MLLT3: variants seen among roughly 807,000 people sequenced by gnomAD.
The protein encoded by MLLT3 is MLLT3 super elongation complex subunit, also known as protein AF-9.
Under a neutral mutation model 53.2 loss-of-function variants are expected in MLLT3, and 4 were observed. The observed-to-expected ratio is 0.08, with a 90% CI of 0.04 to 0.17. The LOEUF (loss-of-function observed/expected upper bound fraction) is 0.17. Ranked by LOEUF, MLLT3 falls within the 10% of genes least tolerant of loss-of-function variation. The pLI is 1.00. For missense variants in MLLT3, 569 were observed against 684.0 expected (o/e 0.83, Z 1.87); for synonymous variants, 283 against 230.6 (o/e 1.23, Z -2.06).
At chr9:20,351,137 T>C (rs1190471654) in intron 10 of MLLT3, among the ~76,000 whole-genome samples, 1 of 152,208 alleles carries the variant, frequency 6.6e-6, no homozygotes, top group Non-Finnish European at 1.5e-5. Flanking sequence ...TTTCCCAGGA[T>C]GGAGAACATC....
chr9:20,564,544 A>T (rs1819299225), intron 2 of MLLT3, among the ~76,000 whole-genome samples: 1 of 152,192 alleles, frequency 6.6e-6, no homozygotes, highest in African/African-American at 2.4e-5. Flanking sequence ...CAAAGTACAT[A>T]AGCTTCCCAA....
At chr9:20,604,122 A>T (rs950615613) in intron 2 of MLLT3, among the ~76,000 whole-genome samples, 31 of 152,062 alleles carry the variant, frequency 2.0e-4, no homozygotes, top group African/African-American at 7.5e-4. Context: ...ACTTAACAAT[A>T]AAGTATTTCC....
intron 2 of MLLT3, among the ~76,000 whole-genome samples, chr9:20,589,494 T>G (rs1820069831): frequency 6.9e-6 from 1 of 144,758 alleles, no homozygotes; most frequent in African/African-American, 2.6e-5. Flanking sequence ...AGATGACGAG[T>G]TAGTGGGTGC....
At chr9:20,346,995 T>TAC (rs148280802) in intron 10 of MLLT3, among the ~76,000 whole-genome samples, 2 of 142,596 alleles carry the variant, frequency 1.4e-5, no homozygotes, top group African/African-American at 5.2e-5. Context: ...TACAAACACA[T>TAC]ACACACACAC....
Position 20,361,447 on chromosome 9 carries a change from C to G in MLLT3, c.1332-606G>C, listed in dbSNP as rs148292861. ...CACCGCTGACAGCACAGAGTGACAT[C>G]TAAGGATTGAACATGTGGAGCCCGG... On this transcript the variant is annotated intron_variant, in intron 7 of 10. Coordinates refer to ENST00000380338, the MANE Select transcript of MLLT3 (RefSeq NM_004529.4). Among the ~76,000 whole-genome samples the G allele has an allele frequency of 4.2e-3, 641 of 152,296 alleles. 7 individuals are homozygous for G. Among genetic ancestry groups the G allele is most frequent in the African/African-American group, 0.014 (602 of 41,562 alleles).
chr9:20,569,969 G>A lies in MLLT3; in HGVS notation c.193+50685C>T, dbSNP rs73648230. 8.5e-3 allele frequency among the ~76,000 whole-genome samples: 1,287 copies of A among 152,178 alleles called. 17 individuals are homozygous for A. Among genetic ancestry groups the A allele is most frequent in the African/African-American group, 0.029 (1,212 of 41,530 alleles). On this transcript the variant is annotated intron_variant, in intron 2 of 10. Coordinates refer to ENST00000380338, the MANE Select transcript of MLLT3 (RefSeq NM_004529.4). ...GTTGGCTCCTCATTTGCCCCCAGCT[G>A]GCCCAAACTACATTCCCTCCACTCT...
At chr9:20,560,408 C>A (rs1048702459) in intron 2 of MLLT3, among the ~76,000 whole-genome samples, 4 of 152,108 alleles carry the variant, frequency 2.6e-5, no homozygotes, top group Non-Finnish European at 5.9e-5. Context: ...ATGATTTATA[C>A]CAACTATACT....
chr9:20,501,288 T>C lies in MLLT3; in HGVS notation c.194-44502A>G, dbSNP rs1825218235. 2.0e-5 allele frequency among the ~76,000 whole-genome samples: 3 copies of C among 152,292 alleles called. No individual in the cohort carries two copies. The South Asian group carries it at 6.2e-4, about 32-fold the overall frequency. On this transcript the variant is annotated intron_variant, in intron 2 of 10. Transcript: ENST00000380338. ...CACACAATAAATATTGATGGAACACTGAATACATACCAGGCCTTCTGCTAT... is the reference window on the plus strand; with the variant it reads ...CACACAATAAATATTGATGGAACACCGAATACATACCAGGCCTTCTGCTAT...
chr9:20,519,204 G>A (rs1817994557), intron 2 of MLLT3, among the ~76,000 whole-genome samples: 1 of 152,086 alleles, frequency 6.6e-6, no homozygotes, highest in Non-Finnish European at 1.5e-5. Context: ...AGAAAAACTA[G>A]ACAAATCTGA....
rs189591900 is a variant in MLLT3, at chr9:20,572,731, T to A, written c.193+47923A>T. Among the ~76,000 whole-genome samples, 724 of 152,212 alleles carry A rather than the reference T, an allele frequency of 4.8e-3. 6 individuals are homozygous for A. The highest frequency in any genetic ancestry group is 0.017 in the African/African-American group (690 of 41,536). ...ATTGCTTGAACCCTGGAGGCAGAGA[T>A]TGCAGTGAGCCGAGATTGCACCACT... On this transcript the variant is annotated intron_variant, in intron 2 of 10. Coordinates refer to ENST00000380338, the MANE Select transcript of MLLT3 (RefSeq NM_004529.4).
At chr9:20,434,490 C>A (rs1356747554) in intron 4 of MLLT3, among the ~76,000 whole-genome samples, 1 of 151,812 alleles carries the variant, frequency 6.6e-6, no homozygotes, top group Non-Finnish European at 1.5e-5. Flanking sequence ...GGGAAGGGCA[C>A]TGAAATCAGA....
At chr9:20,487,990 C>T (rs942057504) in intron 2 of MLLT3, among the ~76,000 whole-genome samples, 3 of 151,974 alleles carry the variant, frequency 2.0e-5, no homozygotes, top group African/African-American at 7.3e-5. Flanking sequence ...AAATCCTGCA[C>T]ATTAAAAATA....
chr9:20,539,947 T>C (rs182416143), intron 2 of MLLT3, among the ~76,000 whole-genome samples: 79 of 152,202 alleles, frequency 5.2e-4, no homozygotes, highest in African/African-American at 1.7e-3. Flanking sequence ...ACAATGGAGG[T>C]ACAGGCATTG....
At chr9:20,373,275 A>T (rs1229436946) in intron 5 of MLLT3, among the ~76,000 whole-genome samples, 1 of 152,236 alleles carries the variant, frequency 6.6e-6, no homozygotes, top group African/African-American at 2.4e-5. Context: ...TACAAGATAT[A>T]TCTTTACTAC....
intron 2 of MLLT3, among the ~76,000 whole-genome samples, chr9:20,599,629 T>C (rs635186): frequency 0.036 from 5,468 of 151,986 alleles, 147 homozygotes; most frequent in Non-Finnish European, 0.059. Flanking sequence ...ATAAACAGAG[T>C]AAAACAGTGA....
At chr9:20,459,962 T>G (rs1169257045) in intron 2 of MLLT3, among the ~76,000 whole-genome samples, 1 of 152,202 alleles carries the variant, frequency 6.6e-6, no homozygotes, top group African/African-American at 2.4e-5. Context: ...AAACTTACAG[T>G]TCTAATCTGA....
chr9:20,575,411 T>G (rs1819628586), intron 2 of MLLT3, among the ~76,000 whole-genome samples: 1 of 152,214 alleles, frequency 6.6e-6, no homozygotes, highest in South Asian at 2.1e-4. Flanking sequence ...AGCAATTTTT[T>G]TAGCAATAAA....
At chr9:20,575,379 G>A (rs933427341) in intron 2 of MLLT3, among the ~76,000 whole-genome samples, 3 of 152,188 alleles carry the variant, frequency 2.0e-5, no homozygotes, top group Non-Finnish European at 4.4e-5. Flanking sequence ...GATACAACTC[G>A]CAGAAGACCC....
intron 5 of MLLT3, among the ~76,000 whole-genome samples, chr9:20,373,808 C>T (rs1436329169): frequency 6.6e-6 from 1 of 151,968 alleles, no homozygotes; most frequent in Admixed American, 6.6e-5. Context: ...CACAAATATC[C>T]AGAAAGACTG....
Sources: gnomAD v4.1 joint callset for allele counts (sites outside exome capture counted in the v4.1 genomes callset) on GRCh38, gnomAD v4.1.1 for gene constraint, MANE v1.5 for transcripts, NCBI Gene and HGNC (gene_info 2026-07-23, HGNC 2026-07-21) for gene names.